The following L3MBTL4 variants were observed in gnomAD, a reference collection of about 807,000 sequenced individuals.
L3MBTL4 encodes lethal(3)malignant brain tumor-like protein 4.
Under a neutral mutation model 84.5 loss-of-function variants are expected in L3MBTL4, and 70 were observed. The ratio of observed to expected loss-of-function variants is 0.83; its 90% CI spans 0.68 to 1.01. L3MBTL4 has a LOEUF of 1.01. Among genes scored for constraint, L3MBTL4 ranks in the 50% least tolerant of loss-of-function variants. The pLI is 0.00. For synonymous variants in L3MBTL4, 274 were observed against 259.8 expected, an observed-to-expected ratio of 1.05 and a Z score of -0.52; for missense variants, 715 against 754.8, an observed-to-expected ratio of 0.95 and a Z score of 0.62.
intron 1 of L3MBTL4, among the ~76,000 whole-genome samples, chr18:6,326,902 C>T (rs1261537725): frequency 1.3e-5 from 2 of 152,158 alleles, no homozygotes; most frequent in African/African-American, 4.8e-5. Context: ...TTGTCTACTC[C>T]TTCCAATGAC....
At chr18:6,178,740 T>C (rs941555677) in intron 12 of L3MBTL4, among the ~76,000 whole-genome samples, 17 of 152,136 alleles carry the variant, frequency 1.1e-4, no homozygotes, top group African/African-American at 3.9e-4. Context: ...AAGAAATAAC[T>C]TGGAAATTTA....
chr18:6,184,043 A>G (rs151242482), intron 12 of L3MBTL4, among the ~76,000 whole-genome samples: 97 of 152,352 alleles, frequency 6.4e-4, no homozygotes, highest in African/African-American at 2.1e-3. Flanking sequence ...TAATTACATA[A>G]TATCTACATG....
intron 10 of L3MBTL4, among the ~76,000 whole-genome samples, chr18:6,218,143 G>A (rs1331130462): frequency 6.6e-6 from 1 of 151,984 alleles, no homozygotes. Flanking sequence ...GGTTTCTCTA[G>A]GCTGCCCGGG....
At chr18:6,111,339 A>G (rs1205599385) in intron 14 of L3MBTL4, among the ~76,000 whole-genome samples, 1 of 152,222 alleles carries the variant, frequency 6.6e-6, no homozygotes, top group African/African-American at 2.4e-5. Flanking sequence ...GAACTGCATT[A>G]TATTTGAATT....
chr18:6,031,774 G>A (rs753196589), intron 16 of L3MBTL4: 14 of 984,852 alleles, frequency 1.4e-5, no homozygotes, highest in Non-Finnish European at 1.7e-5. Context: ...GTGCCTATCT[G>A]CAGTCATCTG....
intron 15 of L3MBTL4, among the ~76,000 whole-genome samples, chr18:6,085,400 T>C (rs1454329710): frequency 6.6e-6 from 1 of 152,228 alleles, no homozygotes; most frequent in African/African-American, 2.4e-5. Context: ...AAAATGTTAA[T>C]ATAAATTATT....
intron 14 of L3MBTL4, among the ~76,000 whole-genome samples, chr18:6,137,314 AT>A (rs2060054709): frequency 6.6e-6 from 1 of 152,198 alleles, no homozygotes; most frequent in South Asian, 2.1e-4. Context: ...TCACATTTAT[AT>A]TCATGTATGT....
At chr18:6,031,230 G>A in intron 16 of L3MBTL4, 1 of 985,392 alleles carries the variant, frequency 1.0e-6, no homozygotes. Context: ...TGTTTCAAAG[G>A]GGATTTTGTG....
At chr18:6,121,733 T>C (rs2059536531) in intron 14 of L3MBTL4, among the ~76,000 whole-genome samples, 1 of 151,566 alleles carries the variant, frequency 6.6e-6, no homozygotes, top group African/African-American at 2.4e-5. Context: ...TGTGTGTGCA[T>C]GTTTGTATTT....
At chr18:6,234,408 A>C (rs934051228) in intron 10 of L3MBTL4, among the ~76,000 whole-genome samples, 5 of 152,232 alleles carry the variant, frequency 3.3e-5, no homozygotes, top group Admixed American at 1.3e-4. Flanking sequence ...AATGTTTGCA[A>C]TCTACTCATC....
intron 5 of L3MBTL4, among the ~76,000 whole-genome samples, chr18:6,262,981 G>A (rs187038880): frequency 1.3e-5 from 2 of 152,322 alleles, no homozygotes; most frequent in Admixed American, 1.3e-4. Context: ...GTTTCCTGCT[G>A]TAAAGAAATG....
chr18:6,383,919 A>G lies in L3MBTL4; in HGVS notation c.-91+30882T>C, dbSNP rs116707936. Reference sequence around the variant, plus strand: ...TTAGGATCAGGTACAGTTTTTAAAGATATTACCAATTGCCTTCATCAAGGG... The same window carrying G: ...TTAGGATCAGGTACAGTTTTTAAAGGTATTACCAATTGCCTTCATCAAGGG... On this transcript the variant is annotated intron_variant, in intron 1 of 18. Transcript: ENST00000317931. Among the ~76,000 whole-genome samples, 416 of 152,336 alleles carry G rather than the reference A, an allele frequency of 2.7e-3. 3 individuals carry two copies. The highest frequency in any genetic ancestry group is 9.5e-3 in the African/African-American group (395 of 41,578).
intron 14 of L3MBTL4, among the ~76,000 whole-genome samples, chr18:6,107,924 T>G (rs980441170): frequency 2.6e-5 from 4 of 152,140 alleles, no homozygotes; most frequent in Non-Finnish European, 4.4e-5. Context: ...ACTTTGTACC[T>G]TGTTTACTTT....
At chr18:6,072,254 A>T (rs1284009054) in intron 16 of L3MBTL4, among the ~76,000 whole-genome samples, 1 of 152,166 alleles carries the variant, frequency 6.6e-6, no homozygotes, top group African/African-American at 2.4e-5. Flanking sequence ...AGCAGGAAGA[A>T]ATGTATCAGT....
At chr18:6,330,464 C>A (rs541825965) in intron 1 of L3MBTL4, among the ~76,000 whole-genome samples, 1 of 152,248 alleles carries the variant, frequency 6.6e-6, no homozygotes, top group Admixed American at 6.5e-5. Flanking sequence ...CCAGCAATGG[C>A]TGATCAAGTC....
intron 9 of L3MBTL4, 146 bp downstream of exon 9, chr18:6,239,572 A>G (rs2047367086): frequency 1.4e-6 from 1 of 708,026 alleles, no homozygotes; most frequent in Non-Finnish European, 2.4e-6. Flanking sequence ...TTCACATGGA[A>G]GAGAAGGTAA....
chr18:6,310,686 A>T (rs1053519806), intron 3 of L3MBTL4, among the ~76,000 whole-genome samples: 2 of 152,212 alleles, frequency 1.3e-5, no homozygotes, highest in Non-Finnish European at 2.9e-5. Flanking sequence ...GTAATGGCCC[A>T]CCATCCCCAA....
At chr18:6,140,707 C>T (rs2060172275) in intron 13 of L3MBTL4, among the ~76,000 whole-genome samples, 1 of 152,108 alleles carries the variant, frequency 6.6e-6, no homozygotes, top group Admixed American at 6.5e-5. Context: ...ATTTTAATCA[C>T]TCCTTGACTA....
rs536663117 is a variant in L3MBTL4, at chr18:6,234,054, C to T, written c.784+3910G>A. 2.0e-5 allele frequency among the ~76,000 whole-genome samples: 3 copies of T among 152,194 alleles called. No homozygotes were observed. The East Asian group carries it at 5.8e-4, about 29-fold the overall frequency. On this transcript the variant is annotated intron_variant, in intron 10 of 18. Transcript: ENST00000317931. ...TGATCTTTGACAAACCTGACAAAAA[C>T]AAGAAATGGGGAAAGGATTCCCATT...
Sources: allele counts gnomAD v4.1 joint callset (sites outside exome capture counted in the v4.1 genomes callset), GRCh38; gene constraint gnomAD v4.1.1; transcripts MANE v1.5; gene names NCBI Gene and HGNC (gene_info 2026-07-23, HGNC 2026-07-21).